The following CNTNAP4 variants were observed in gnomAD, a reference collection of about 807,000 sequenced individuals.
CNTNAP4 encodes contactin associated protein family member 4, also known as contactin-associated protein-like 4.
In CNTNAP4, 98 loss-of-function variants were observed where a neutral mutation model predicts 148.4. The ratio of observed to expected loss-of-function variants is 0.66; its 90% confidence interval spans 0.56 to 0.78. CNTNAP4 has a LOEUF of 0.78. CNTNAP4 is among the 30% of genes least tolerant of loss of function. The probability of loss-of-function intolerance (pLI) is 0.00; values close to 1 mark genes in which losing one functional copy is unlikely to be tolerated. For synonymous variants in CNTNAP4, 730 were observed against 565.1 expected, an observed-to-expected ratio of 1.29 and a Z score of -4.14; for missense variants, 1,935 against 1,565.6, an observed-to-expected ratio of 1.24 and a Z score of -3.98.
intron 1 of CNTNAP4, among the ~76,000 whole-genome samples, chr16:76,301,285 C>T (rs1387294400): frequency 6.6e-6 from 1 of 152,106 alleles, no homozygotes; most frequent in Non-Finnish European, 1.5e-5. Flanking sequence ...ATATTAATAG[C>T]TCCAAGGGTT....
chr16:76,461,082 T>TTAGA (rs1277839566), intron 8 of CNTNAP4, among the ~76,000 whole-genome samples: 17 of 152,066 alleles, frequency 1.1e-4, no homozygotes, highest in African/African-American at 3.9e-4. Flanking sequence ...TGAATGAAAC[T>TTAGA]TATCTAACAC....
chr16:76,550,940 G>T (rs1045182948), intron 21 of CNTNAP4, among the ~76,000 whole-genome samples: 4 of 152,122 alleles, frequency 2.6e-5, no homozygotes, highest in African/African-American at 9.7e-5. Context: ...AGCAAGGTGG[G>T]TCAGAACATG....
intron 12 of CNTNAP4, among the ~76,000 whole-genome samples, chr16:76,485,181 G>T (rs557054378): frequency 6.6e-6 from 1 of 152,180 alleles, no homozygotes; most frequent in Admixed American, 6.5e-5. Context: ...GCAATGGCAC[G>T]ATCTCGGCTG....
chr16:76,439,861 A>G lies in CNTNAP4; in HGVS notation c.539-8151A>G, dbSNP rs1327773894. On this transcript the variant is annotated intron_variant, in intron 4 of 23. Coordinates refer to ENST00000611870, the MANE Select transcript of CNTNAP4 (RefSeq NM_033401.5). ...CTACCATGCAAAAATAGTATAATCTATTTCCTGTTGATTTCTTGAGTACTT... is the reference window on the plus strand; with the variant it reads ...CTACCATGCAAAAATAGTATAATCTGTTTCCTGTTGATTTCTTGAGTACTT... Among the ~76,000 whole-genome samples, 3 of 152,196 alleles carry G rather than the reference A, an allele frequency of 2.0e-5. No homozygotes were observed. In the East Asian group the frequency reaches 5.8e-4, roughly 29 times the overall value.
At chr16:76,519,481 TA>T (rs1186657366) in intron 15 of CNTNAP4, among the ~76,000 whole-genome samples, 1 of 152,200 alleles carries the variant, frequency 6.6e-6, no homozygotes, top group African/African-American at 2.4e-5. Flanking sequence ...TTCCTCTTTC[TA>T]ATCAGACAAA....
chr16:76,512,508 T>G (rs2083067757), intron 15 of CNTNAP4, among the ~76,000 whole-genome samples: 1 of 152,078 alleles, frequency 6.6e-6, no homozygotes. Flanking sequence ...ATCTAATCAA[T>G]TAGAGGGAAA....
At chr16:76,549,681 A>G (rs1003000272) in intron 21 of CNTNAP4, among the ~76,000 whole-genome samples, 1 of 152,202 alleles carries the variant, frequency 6.6e-6, no homozygotes, top group Non-Finnish European at 1.5e-5. Flanking sequence ...TTTTTTCCCA[A>G]ACAAAAAATA....
At chr16:76,450,895 C>T (rs1288076900) in intron 7 of CNTNAP4, among the ~76,000 whole-genome samples, 6 of 152,200 alleles carry the variant, frequency 3.9e-5, no homozygotes, top group Admixed American at 3.9e-4. Flanking sequence ...AATGAATGGC[C>T]TGGCAGGGGA....
At chr16:76,377,151 T>A (rs1821898216) in intron 3 of CNTNAP4, among the ~76,000 whole-genome samples, 1 of 151,910 alleles carries the variant, frequency 6.6e-6, no homozygotes, top group African/African-American at 2.4e-5. Context: ...GAAGTCAGTC[T>A]TTTTTTTCAT....
At chr16:76,520,006 T>G (rs1029059130) in intron 15 of CNTNAP4, among the ~76,000 whole-genome samples, 1 of 152,230 alleles carries the variant, frequency 6.6e-6, no homozygotes, top group Non-Finnish European at 1.5e-5. Context: ...AACAAACTGT[T>G]GTTTTGAAAT....
chr16:76,478,126 A>G (rs867966588), intron 11 of CNTNAP4, among the ~76,000 whole-genome samples: 1 of 131,492 alleles, frequency 7.6e-6, no homozygotes. Flanking sequence ...AAGTCAAGCC[A>G]TACACATAAA....
At chr16:76,439,577 G>A (rs181752231) in intron 4 of CNTNAP4, among the ~76,000 whole-genome samples, 2 of 152,254 alleles carry the variant, frequency 1.3e-5, no homozygotes, top group East Asian at 3.9e-4. Flanking sequence ...CCTTGACATA[G>A]TGGATATTAC....
chr16:76,492,793 C>G (rs187654390), intron 13 of CNTNAP4, among the ~76,000 whole-genome samples: 3 of 152,234 alleles, frequency 2.0e-5, no homozygotes, highest in Admixed American at 2.0e-4. Flanking sequence ...TGAGGCCTCC[C>G]CAGCCATGTG....
chr16:76,431,429 C>T (rs1246681726), intron 4 of CNTNAP4, among the ~76,000 whole-genome samples: 1 of 152,092 alleles, frequency 6.6e-6, no homozygotes, highest in Non-Finnish European at 1.5e-5. Context: ...CCTGTAATTC[C>T]AGGACTTTGG....
At position 76,535,795 on chromosome 16, in the gene CNTNAP4, C is replaced by CATTCTGCTCAA. The variant is rs1390448495; in HGVS notation, c.2995+13_2995+14insTCTGCTCAAAT. On this transcript the variant is annotated intron_variant, in intron 18 of 23. Coordinates refer to ENST00000611870, the MANE Select transcript of CNTNAP4 (RefSeq NM_033401.5). ...CATTCTGCTCAAATGGTAAGTGTGG[C>CATTCTGCTCAA]ATGGAAGACTGTAAGAGGAAAATTT... 4.4e-6 allele frequency: 7 copies of CATTCTGCTCAA among 1,606,898 alleles called. No individual in the cohort carries two copies. The South Asian group carries it at 7.7e-5, about 18-fold the overall frequency.
chr16:76,332,162 T>C (rs1320793761), intron 2 of CNTNAP4, among the ~76,000 whole-genome samples: 2 of 152,232 alleles, frequency 1.3e-5, no homozygotes, highest in Non-Finnish European at 2.9e-5. Flanking sequence ...TTGATTGTAA[T>C]GTGTCTCAGT....
intron 2 of CNTNAP4, among the ~76,000 whole-genome samples, chr16:76,337,229 C>T (rs1344886482): frequency 6.6e-6 from 1 of 152,178 alleles, no homozygotes; most frequent in Non-Finnish European, 1.5e-5. Flanking sequence ...AGTTAGGTTT[C>T]CTTAGCCTTG....
At chr16:76,513,314 G>C (rs911302867) in intron 15 of CNTNAP4, among the ~76,000 whole-genome samples, 5 of 152,206 alleles carry the variant, frequency 3.3e-5, no homozygotes, top group Non-Finnish European at 7.4e-5. Context: ...TGTATTATTG[G>C]GGAGAGGAAG....
At chr16:76,472,636 T>A (rs986611726) in intron 10 of CNTNAP4, among the ~76,000 whole-genome samples, 44 of 152,188 alleles carry the variant, frequency 2.9e-4, no homozygotes, top group African/African-American at 1.0e-3. Context: ...GGTACCACAT[T>A]TTCTTTATTT....
Sources: allele counts gnomAD v4.1 joint callset (sites outside exome capture counted in the v4.1 genomes callset), GRCh38; gene constraint gnomAD v4.1.1; transcripts MANE v1.5; gene names NCBI Gene and HGNC (gene_info 2026-07-23, HGNC 2026-07-21).